Variants in AFF3 observed in about 807,000 individuals in gnomAD.
The protein encoded by AFF3 is AF4/FMR2 family member 3.
A neutral mutation model predicts 129.7 loss-of-function variants in AFF3; 32 were observed. The ratio of observed to expected loss-of-function variants is 0.25; its 90% CI spans 0.19 to 0.33. The LOEUF (loss-of-function observed/expected upper bound fraction) is 0.33. Ranked by LOEUF, AFF3 falls within the 10% of genes least tolerant of loss-of-function variation. AFF3 has a pLI of 1.00. For missense variants in AFF3, 1,373 were observed against 1,592.0 expected (o/e 0.86, Z 2.34); for synonymous variants, 644 against 635.4 (o/e 1.01, Z -0.20).
intron 8 of AFF3, among the ~76,000 whole-genome samples, chr2:99,824,765 G>A (rs925797321): frequency 3.9e-5 from 6 of 152,218 alleles, no homozygotes; most frequent in Non-Finnish European, 8.8e-5. Context: ...GCTTAGGAAC[G>A]TAGTGCTGGC....
chr2:100,142,123 A>G (rs1170885920), intron 1 of AFF3, among the ~76,000 whole-genome samples: 1 of 152,130 alleles, frequency 6.6e-6, no homozygotes, highest in Non-Finnish European at 1.5e-5. Context: ...GTTAAGACAC[A>G]CTTTTCATAA....
intron 7 of AFF3, among the ~76,000 whole-genome samples, chr2:99,936,869 C>A (rs1014214586): frequency 6.6e-6 from 1 of 152,192 alleles, no homozygotes; most frequent in African/African-American, 2.4e-5. Flanking sequence ...TTAACTGTGG[C>A]ACTTTTCATA....
intron 12 of AFF3, among the ~76,000 whole-genome samples, chr2:99,669,945 C>T (rs528921986): frequency 7.2e-5 from 11 of 152,256 alleles, no homozygotes; most frequent in African/African-American, 2.4e-4. Flanking sequence ...AGTGAAACTC[C>T]GTACACACAC....
chr2:99,551,327 G>T lies in AFF3; in HGVS notation c.*147C>A, dbSNP rs908360205. On this transcript the variant is annotated 3_prime_UTR_variant, in exon 25 of 25. Transcript: ENST00000672756. ...TATACCCACACATACAAACACACATGCCCTGCAAAAGATCATTGTTCAATG... is the reference window on the plus strand; with the variant it reads ...TATACCCACACATACAAACACACATTCCCTGCAAAAGATCATTGTTCAATG... 86 of 1,153,550 alleles carry T rather than the reference G, an allele frequency of 7.5e-5. No homozygotes were observed. The highest frequency in any genetic ancestry group is 5.9e-4 in the Middle Eastern group (2 of 3,392). 71.5% of individuals were successfully genotyped at this position (1,153,550 alleles called of 1,614,324 possible).
intron 14 of AFF3, among the ~76,000 whole-genome samples, chr2:99,596,646 T>C (rs1216525573): frequency 6.6e-6 from 1 of 152,166 alleles, no homozygotes; most frequent in Admixed American, 6.5e-5. Context: ...CCCTCACTGC[T>C]ACCATCCGGA....
chr2:99,631,539 T>C (rs1193262905), intron 13 of AFF3, among the ~76,000 whole-genome samples: 1 of 152,146 alleles, frequency 6.6e-6, no homozygotes. Context: ...GCAACAACCA[T>C]TCTACCTCCT....
intron 8 of AFF3, among the ~76,000 whole-genome samples, chr2:99,799,265 T>C (rs563502577): frequency 6.6e-6 from 1 of 151,872 alleles, no homozygotes; most frequent in South Asian, 2.1e-4. Flanking sequence ...GAAGCACTAG[T>C]GAGCTTCAAG....
chr2:99,615,515 C>T (rs1034674351), intron 13 of AFF3, among the ~76,000 whole-genome samples: 8 of 152,274 alleles, frequency 5.3e-5, no homozygotes, highest in African/African-American at 1.9e-4. Flanking sequence ...ATTCAACATC[C>T]TTCTTCGACA....
intron 10 of AFF3, among the ~76,000 whole-genome samples, chr2:99,728,744 T>C (rs1209052435): frequency 6.6e-6 from 1 of 152,206 alleles, no homozygotes; most frequent in Non-Finnish European, 1.5e-5. Flanking sequence ...TAACAAACAT[T>C]GATTAGGCAG....
chr2:99,919,054 G>A (rs141386270), intron 7 of AFF3, among the ~76,000 whole-genome samples: 1,833 of 151,988 alleles, frequency 0.012, 42 homozygotes, highest in African/African-American at 0.042. Context: ...TACATCTTAG[G>A]TTACTGTCTC....
chr2:99,674,658 G>A (rs1243437620), intron 11 of AFF3, among the ~76,000 whole-genome samples: 2 of 152,112 alleles, frequency 1.3e-5, no homozygotes, highest in African/African-American at 2.4e-5. Context: ...ACACAATCAT[G>A]GTTAACAACC....
chr2:99,617,472 C>G (rs966623746), intron 13 of AFF3, among the ~76,000 whole-genome samples: 3 of 152,142 alleles, frequency 2.0e-5, no homozygotes, highest in Non-Finnish European at 4.4e-5. Context: ...AATGTGTATT[C>G]AAATCCTTTG....
intron 4 of AFF3, chr2:100,011,575 C>A (rs781461903): frequency 1.3e-6 from 1 of 780,798 alleles, no homozygotes; most frequent in Non-Finnish European, 2.4e-6. Context: ...TTCACCCCTG[C>A]AAGAAATATA....
chr2:99,870,538 AC>A (rs1237090020), intron 7 of AFF3, among the ~76,000 whole-genome samples: 2 of 152,100 alleles, frequency 1.3e-5, no homozygotes, highest in Admixed American at 1.3e-4. Context: ...TGCAGACCCC[AC>A]CCCTGTGATC....
intron 10 of AFF3, 57 bp downstream of exon 10, chr2:99,744,047 C>A: frequency 6.9e-7 from 1 of 1,454,122 alleles, no homozygotes; most frequent in South Asian, 1.2e-5. Flanking sequence ...TCCCCTTCTG[C>A]CCTCTGCCCC....
intron 7 of AFF3, among the ~76,000 whole-genome samples, chr2:99,953,691 T>C (rs887673980): frequency 3.3e-5 from 5 of 152,142 alleles, no homozygotes; most frequent in Non-Finnish European, 7.3e-5. Context: ...ATATAGAAGA[T>C]GAGAAAAATA....
intron 1 of AFF3, among the ~76,000 whole-genome samples, chr2:100,137,703 C>T (rs1044666974): frequency 1.3e-5 from 2 of 152,204 alleles, no homozygotes; most frequent in African/African-American, 4.8e-5. Flanking sequence ...GACCTCTCAT[C>T]TGTGTTTCCT....
intron 7 of AFF3, among the ~76,000 whole-genome samples, chr2:99,980,939 T>C (rs1442468979): frequency 6.6e-6 from 1 of 152,212 alleles, no homozygotes; most frequent in Admixed American, 6.5e-5. Context: ...CTATATATTG[T>C]TTTTATATAC....
In AFF3 at chr2:99,697,608, C is replaced by T. The variant is rs116533707; in HGVS notation, c.1092-25019G>A. Among the ~76,000 whole-genome samples the T allele has an allele frequency of 5.1e-3, 778 of 152,294 alleles. 7 individuals are homozygous for T. The highest frequency in any genetic ancestry group is 0.017 in the African/African-American group (711 of 41,552). ...TTCTGCTCTTGCAGAAAGGCCCTTGCGATCAGAATAAGAGGAAAATAGATC... is the reference window on the plus strand; with the variant it reads ...TTCTGCTCTTGCAGAAAGGCCCTTGTGATCAGAATAAGAGGAAAATAGATC... On this transcript the variant is annotated intron_variant, in intron 11 of 24. Transcript: ENST00000672756.
Sources: gnomAD v4.1 joint callset for allele counts (sites outside exome capture counted in the v4.1 genomes callset) on GRCh38, gnomAD v4.1.1 for gene constraint, MANE v1.5 for transcripts, NCBI Gene and HGNC (gene_info 2026-07-23, HGNC 2026-07-21) for gene names.